TKT: variants seen among roughly 807,000 people sequenced by gnomAD.
TKT encodes the protein epididymis luminal protein 107.
Under a neutral mutation model 63.9 loss-of-function variants are expected in TKT, and 47 were observed. The ratio of observed to expected loss-of-function variants is 0.74; its 90% CI spans 0.58 to 0.94. TKT has a LOEUF of 0.94. Ranked by LOEUF, TKT falls within the 40% of genes least tolerant of loss-of-function variation. The pLI, the probability that TKT is intolerant of heterozygous loss-of-function variation, is 0.00. For synonymous variants in TKT, 338 were observed against 334.1 expected, an observed-to-expected ratio of 1.01 and a Z score of -0.13; for missense variants, 721 against 846.2, an observed-to-expected ratio of 0.85 and a Z score of 1.84.
rs782047755 is a variant in TKT at position 53,226,759 on chromosome 3, CATA to C, written c.1690_1692del (p.Tyr564del). 129 of 1,614,078 alleles carry C rather than the reference CATA, an allele frequency of 8.0e-5. No individual in the cohort carries two copies. Among genetic ancestry groups the C allele is most frequent in the Non-Finnish European group, 1.1e-4 (124 of 1,180,040 alleles). ...TGCCTGCCCCAGGCCTCCTTACCTT[CATA>C]ATAATGGTCCTCCACGGTGAGGATC... On this transcript the variant is annotated inframe_deletion, in exon 13 of 14. Transcript: ENST00000462138.
At chr3:53,251,728 G>A (rs1705754998) in intron 1 of TKT, among the ~76,000 whole-genome samples, 2 of 152,344 alleles carry the variant, frequency 1.3e-5, no homozygotes, top group South Asian at 4.1e-4. Flanking sequence ...AGCTACCCAG[G>A]AGGGTGAGGC....
chr3:53,232,111 C>T (rs1239732851), intron 6 of TKT: 3 of 375,198 alleles, frequency 8.0e-6, no homozygotes, highest in Admixed American at 9.0e-5. Flanking sequence ...GCTGAATATC[C>T]CTCTCCCTGG....
At chr3:53,232,250 T>G (rs1553677318) in intron 6 of TKT, 1 of 397,748 alleles carries the variant, frequency 2.5e-6, no homozygotes, top group Non-Finnish European at 4.4e-6. Flanking sequence ...TCCTGCCCAT[T>G]TTTAACACCA....
rs1705058351 is a variant in TKT at position 53,236,913 on chromosome 3, TA to T, written c.438-1740del. Among the ~76,000 whole-genome samples the T allele has an allele frequency of 2.0e-5, 3 of 152,306 alleles. No individual in the cohort carries two copies. The South Asian group carries it at 6.2e-4, about 32-fold the overall frequency. On this transcript the variant is annotated intron_variant, in intron 4 of 13. Transcript: ENST00000462138. Reference sequence around the variant, plus strand: ...TTGGTATTGCCTGAGCTGTTAGAGTTAGGGGTGGGGGGCTGCAAACATCCAT... The same window carrying T: ...TTGGTATTGCCTGAGCTGTTAGAGTTGGGGTGGGGGGCTGCAAACATCCAT...
chr3:53,239,069 A>G (rs1177638329), intron 4 of TKT, among the ~76,000 whole-genome samples: 2 of 152,154 alleles, frequency 1.3e-5, no homozygotes, highest in African/African-American at 4.8e-5. Flanking sequence ...GATGGTGAAT[A>G]AGTCTCACAA....
At position 53,256,001 on chromosome 3, in the gene TKT, G is replaced by A. The variant is rs1705981136; in HGVS notation, c.-59C>T. On this transcript the variant is annotated 5_prime_UTR_variant, in exon 1 of 14. Transcript: ENST00000462138. ...ACACACAGAGATAGCGGCTGCTCCCGCGGCGACAGGCGGCTGCCGAGGCCG... is the reference window on the plus strand; with the variant it reads ...ACACACAGAGATAGCGGCTGCTCCCACGGCGACAGGCGGCTGCCGAGGCCG... 1 of 1,205,690 alleles carries A rather than the reference G, an allele frequency of 8.3e-7. No homozygotes were observed. The highest frequency in any genetic ancestry group is 2.1e-5 in the South Asian group (1 of 48,084). The allele number at this position is 1,205,690 out of a possible 1,614,324, so 74.7% of individuals were successfully genotyped here.
At chr3:53,227,096 C>T in intron 12 of TKT, 2 of 555,050 alleles carry the variant, frequency 3.6e-6, no homozygotes, top group Non-Finnish European at 6.3e-6. Flanking sequence ...AGCTGTGTTG[C>T]CCGCAGTATC....
intron 8 of TKT, among the ~76,000 whole-genome samples, chr3:53,229,724 G>A (rs782533150): frequency 6.6e-5 from 10 of 152,000 alleles, no homozygotes; most frequent in Non-Finnish European, 1.2e-4. Context: ...GCCCTTCAAG[G>A]CTCCAAAATC....
intron 7 of TKT, 153 bp downstream of exon 7, chr3:53,231,204 G>A: frequency 1.2e-6 from 1 of 835,000 alleles, no homozygotes; most frequent in South Asian, 1.8e-5. Context: ...CTGTCATTCT[G>A]AGGGAAGTGA....
chr3:53,241,720 C>A (rs1446117049), intron 2 of TKT, among the ~76,000 whole-genome samples: 1 of 152,220 alleles, frequency 6.6e-6, no homozygotes, highest in Non-Finnish European at 1.5e-5. Flanking sequence ...ACACCACCAC[C>A]CCGAGGGGGC....
rs1575559140 is a variant in TKT at position 53,228,303 on chromosome 3, A to G, written c.1452T>C (p.Asn484=). The change falls in exon 11 of 14, where the codon AAT becomes AAC. Residue 484 remains asparagine (N), a synonymous_variant. Transcript: ENST00000462138. The stretch of plus-strand genomic sequence containing the variant: ...TGGCTTGTCCGACCTGGAAGTCCTC[A>G]TTGTTGTTATAGATGATGGCATTTT... ...RPENAIIYNN[N]EDFQVGQAKV... The G allele has an allele frequency of 6.2e-7, 1 of 1,614,146 alleles. No homozygotes were observed. The highest frequency in any genetic ancestry group is 8.5e-7 in the Non-Finnish European group (1 of 1,180,018).
At chr3:53,233,549 G>A in intron 5 of TKT, 1 of 342,432 alleles carries the variant, frequency 2.9e-6, no homozygotes, top group Non-Finnish European at 5.3e-6. Flanking sequence ...TTCCTTTATT[G>A]TCTCTTTCAT....
intron 1 of TKT, among the ~76,000 whole-genome samples, chr3:53,247,734 C>CTACCCTGAAG (rs1221352855): frequency 6.6e-6 from 1 of 151,418 alleles, no homozygotes; most frequent in Non-Finnish European, 1.5e-5. Flanking sequence ...GTGCCCTGAA[C>CTACCCTGAAG]TACCCGAGCT....
intron 4 of TKT, chr3:53,235,616 C>T (rs539187331): frequency 6.0e-4 from 93 of 154,410 alleles, no homozygotes; most frequent in Non-Finnish European, 1.2e-3. Flanking sequence ...GAAAGGGGAA[C>T]CTTGGGAACC....
chr3:53,230,384 T>C (rs1396521616), intron 8 of TKT, 73 bp downstream of exon 8: 10 of 1,591,844 alleles, frequency 6.3e-6, no homozygotes, highest in African/African-American at 4.0e-5. Flanking sequence ...TCTGCCAACA[T>C]GGCTGCCCCG....
intron 1 of TKT, among the ~76,000 whole-genome samples, chr3:53,250,669 G>A (rs1272177100): frequency 6.6e-6 from 1 of 152,116 alleles, no homozygotes; most frequent in Non-Finnish European, 1.5e-5. Flanking sequence ...CTACTTGTGA[G>A]GCTGAGATGA....
At chr3:53,251,465 G>T (rs77000231) in intron 1 of TKT, among the ~76,000 whole-genome samples, 3,469 of 152,290 alleles carry the variant, frequency 0.023, 64 homozygotes, top group Non-Finnish European at 0.038. Context: ...TAGCCACTGT[G>T]GGCGCTGCCT....
chr3:53,229,023 A>G lies in TKT; in HGVS notation c.1379T>C (p.Leu460Pro). 6 of 1,614,138 alleles carry G rather than the reference A, an allele frequency of 3.7e-6. No homozygotes were observed. Among genetic ancestry groups the G allele is most frequent in the Non-Finnish European group, 5.1e-6 (6 of 1,180,018 alleles). Residue 460 changes from leucine to proline, a missense_variant, in exon 10 of 14, where the codon CTA (leucine) becomes CCA (proline). Physicochemically the swap from Leu to Pro is moderately conservative, Grantham distance 98 (BLOSUM62 -3). Transcript: ENST00000462138. ...GCAACCTACCTTTGTATTGGCGGCTAGTTCCACTGCCTTCTCTGTAGCAAC... is the reference window on the plus strand; with the variant it reads ...GCAACCTACCTTTGTATTGGCGGCTGGTTCCACTGCCTTCTCTGTAGCAAC... ...DGVATEKAVELAANTKGICFI... is the reference protein window; with the variant it reads ...DGVATEKAVEPAANTKGICFI...
At position 53,233,117 on chromosome 3, in the gene TKT, G is replaced by C. The variant is rs6445573; in HGVS notation, c.748+39C>G. On this transcript the variant is annotated intron_variant, in intron 6 of 13. Transcript: ENST00000462138. ...AGCTACGTAGCCACAGTGTCTGGGC[G>C]AGGGGTGAAGGTGGGGAGGGCGGCT... 0.99 allele frequency: 1,562,117 copies of C among 1,572,922 alleles called. 776,250 individuals carry two copies. Among genetic ancestry groups the C allele is most frequent in the East Asian group, 1 (44,507 of 44,516 alleles).
Sources: gnomAD v4.1 joint callset for allele counts (sites outside exome capture counted in the v4.1 genomes callset) on GRCh38, gnomAD v4.1.1 for gene constraint, MANE v1.5 for transcripts, NCBI Gene and HGNC (gene_info 2026-07-23, HGNC 2026-07-21) for gene names.